The following CXCR5 variants were observed in gnomAD, a reference collection of about 807,000 sequenced individuals.
CXCR5 encodes C-X-C chemokine receptor type 5.
Under a neutral mutation model 5.6 loss-of-function variants are expected in CXCR5, and 3 were observed. The observed-to-expected ratio is 0.54, with a 90% CI of 0.24 to 1.39. The LOEUF is 1.39. Among genes scored for constraint, CXCR5 ranks in the 40% most tolerant of loss-of-function variants. The pLI, the probability that CXCR5 is intolerant of heterozygous loss-of-function variation, is 0.16. For missense variants in CXCR5, 333 were observed against 494.6 expected, an observed-to-expected ratio of 0.67 and a Z score of 3.10; for synonymous variants, 218 against 219.9, an observed-to-expected ratio of 0.99 and a Z score of 0.08.
intron 1 of CXCR5, among the ~76,000 whole-genome samples, chr11:118,888,082 C>T (rs997238429): frequency 6.6e-6 from 1 of 152,180 alleles, no homozygotes; most frequent in Admixed American, 6.5e-5. Context: ...AGAACCAGCT[C>T]AGCCCCAGGC....
chr11:118,892,429 T>C (rs866115624), intron 1 of CXCR5, among the ~76,000 whole-genome samples: 8 of 151,586 alleles, frequency 5.3e-5, no homozygotes, highest in Admixed American at 3.9e-4. Context: ...GAGTACCCCA[T>C]CCCATCCTCT....
Position 118,895,336 on chromosome 11 carries a change from C to T in CXCR5, c.*673C>T, listed in dbSNP as rs1421166195. On this transcript the variant is annotated 3_prime_UTR_variant, in exon 2 of 2. Coordinates refer to ENST00000292174, the MANE Select transcript of CXCR5 (RefSeq NM_001716.5). The surrounding 1 kb of genome is among the most constrained non-coding windows in gnomAD (Gnocchi z 4.2). ...CTGGGTCCACCCCATGTCACCGGAT[C>T]CTGGGTGGTCTGCAGGCAGGGCTGA... The T allele has an allele frequency of 1.2e-5, 2 of 167,126 alleles. No homozygotes were observed. Among genetic ancestry groups the T allele is most frequent in the African/African-American group, 2.4e-5 (1 of 41,468 alleles). 10.4% of individuals were successfully genotyped at this position (167,126 alleles called of 1,614,324 possible).
chr11:118,894,120 A>G lies in CXCR5; in HGVS notation c.576A>G (p.Gln192=). The change falls in exon 2 of 2, where the codon CAA becomes CAG. Residue 192 remains glutamine (Q), a synonymous_variant. Coordinates refer to ENST00000292174, the MANE Select transcript of CXCR5 (RefSeq NM_001716.5). The surrounding 1 kb of genome is among the most constrained non-coding windows in gnomAD (Gnocchi z 6.1). ...LPEILFAKVS[Q]GHHNNSLPRC... ...AGATTCTCTTCGCCAAAGTCAGCCA[A>G]GGCCATCACAACAACTCCCTGCCAC... 1 of 1,613,950 alleles carries G rather than the reference A, an allele frequency of 6.2e-7. No individual in the cohort carries two copies. The highest frequency in any genetic ancestry group is 8.5e-7 in the Non-Finnish European group (1 of 1,180,008).
At position 118,893,986 on chromosome 11, in the gene CXCR5, T is replaced by C. The variant is rs1266536934; in HGVS notation, c.442T>C (p.Tyr148His). ...LLLACIAVDR[Y>H]LAIVHAVHAY... ...CCTGGCCTGCATCGCCGTGGACCGC[T>C]ACCTGGCCATTGTCCACGCCGTCCA... The change falls in exon 2 of 2, where the codon TAC (tyrosine) becomes CAC (histidine). Residue 148 changes from tyrosine to histidine, a missense_variant. Transcript: ENST00000292174. This position sits in a 1 kb window ranked among gnomAD's most constrained non-coding sequence, Gnocchi z 5.7. 1 of 1,613,740 alleles carries C rather than the reference T, an allele frequency of 6.2e-7. No homozygotes were observed. The highest frequency in any genetic ancestry group is 8.5e-7 in the Non-Finnish European group (1 of 1,180,014).
Position 118,897,458 on chromosome 11 carries a change from G to A in CXCR5, c.*2795G>A. ...CCAGGGCCCCGTGTCACCGGTGTGG[G>A]CAAACACACATGCACGTGCACACAT... is the stretch of plus-strand genomic sequence containing the variant. On this transcript the variant is annotated 3_prime_UTR_variant, in exon 2 of 2. Transcript: ENST00000292174. The A allele has an allele frequency of 4.2e-6, 1 of 240,030 alleles. No homozygotes were observed. Among genetic ancestry groups the A allele is most frequent in the East Asian group, 1.5e-4 (1 of 6,758 alleles). 14.9% of individuals were successfully genotyped at this position (240,030 alleles called of 1,614,324 possible).
chr11:118,884,333 A>C (rs1174540677), intron 1 of CXCR5, among the ~76,000 whole-genome samples: 1 of 152,194 alleles, frequency 6.6e-6, no homozygotes, highest in African/African-American at 2.4e-5. Flanking sequence ...GGAATATGGA[A>C]CTAGACAGGA....
chr11:118,890,603 C>CG (rs1025267118), intron 1 of CXCR5, among the ~76,000 whole-genome samples: 1 of 151,680 alleles, frequency 6.6e-6, no homozygotes. Context: ...GGGGAAAGGC[C>CG]GGGGGGTGGT....
Position 118,893,841 on chromosome 11 carries a change from G to C in CXCR5, c.297G>C (p.Leu99=), listed in dbSNP as rs774062762. The part of the protein sequence containing the change: ...FLFHLAVADL[L]LVFILPFAVA... The stretch of plus-strand genomic sequence containing the variant: ...TCCACCTGGCCGTGGCCGACCTCCT[G>C]CTGGTCTTCATCTTGCCCTTTGCCG... Residue 99 remains leucine, a synonymous_variant, in exon 2 of 2, where the codon CTG becomes CTC. Coordinates refer to ENST00000292174, the MANE Select transcript of CXCR5 (RefSeq NM_001716.5). The surrounding 1 kb of genome is among the most constrained non-coding windows in gnomAD (Gnocchi z 5.7). 5 of 1,614,010 alleles carry C rather than the reference G, an allele frequency of 3.1e-6. No homozygotes were observed. The highest frequency in any genetic ancestry group is 3.3e-5 in the Admixed American group (2 of 59,986).
rs1011130374 is a variant in CXCR5, at chr11:118,893,154, C to T, written c.52-442C>T. On this transcript the variant is annotated intron_variant, in intron 1 of 1. Transcript: ENST00000292174. The surrounding 1 kb of genome is among the most constrained non-coding windows in gnomAD (Gnocchi z 5.7). ...CCCACAGGCCAAGTCAGCACCCGCC[C>T]GCCCCTAGTCCCCAGCACAATGCTA... Among the ~76,000 whole-genome samples the T allele has an allele frequency of 6.6e-6, 1 of 152,170 alleles. No homozygotes were observed. Among genetic ancestry groups the T allele is most frequent in the African/African-American group, 2.4e-5 (1 of 41,444 alleles).
In CXCR5 at chr11:118,894,362, C is replaced by T. The variant is rs199930702; in HGVS notation, c.818C>T (p.Ser273Leu). The change falls in exon 2 of 2, where the codon TCA becomes TTA. Residue 273 changes from serine to leucine, a missense_variant. Ser to Leu is a moderately radical substitution (Grantham distance 145). Coordinates refer to ENST00000292174, the MANE Select transcript of CXCR5 (RefSeq NM_001716.5). This position sits in a 1 kb window ranked among gnomAD's most constrained non-coding sequence, Gnocchi z 6.1. ...LVTSIFFLCWSPYHIVIFLDT... is the reference protein window; with the variant it reads ...LVTSIFFLCWLPYHIVIFLDT... ...ACAAGCATCTTCTTCCTCTGCTGGTCACCCTACCACATCGTCATCTTCCTG... is the reference window on the plus strand; with the variant it reads ...ACAAGCATCTTCTTCCTCTGCTGGTTACCCTACCACATCGTCATCTTCCTG... 2 of 1,614,182 alleles carry T rather than the reference C, an allele frequency of 1.2e-6. No individual in the cohort carries two copies. Among genetic ancestry groups the T allele is most frequent in the Non-Finnish European group, 1.7e-6 (2 of 1,180,036 alleles).
rs1394890575 is a variant in CXCR5, at chr11:118,894,517, G to A, written c.973G>A (p.Ala325Thr). The A allele has an allele frequency of 4.4e-6, 7 of 1,591,838 alleles. No individual in the cohort carries two copies. Among genetic ancestry groups the A allele is most frequent in the Non-Finnish European group, 4.3e-6 (5 of 1,166,754 alleles). Reference sequence around the variant, plus strand: ...CCTCAACCCCATGCTCTACACTTTCGCCGGCGTGAAGTTCCGCAGTGACCT... The same window carrying A: ...CCTCAACCCCATGCTCTACACTTTCACCGGCGTGAAGTTCCGCAGTGACCT... ...CCLNPMLYTF[A>T]GVKFRSDLSR... The change falls in exon 2 of 2, where the codon GCC (alanine) becomes ACC (threonine). Residue 325 changes from alanine (A) to threonine (T), a missense_variant. Coordinates refer to ENST00000292174, the MANE Select transcript of CXCR5 (RefSeq NM_001716.5). The surrounding 1 kb of genome is among the most constrained non-coding windows in gnomAD (Gnocchi z 6.1).
intron 1 of CXCR5, among the ~76,000 whole-genome samples, chr11:118,890,770 T>C (rs1939796734): frequency 6.6e-6 from 1 of 152,242 alleles, no homozygotes; most frequent in Admixed American, 6.5e-5. Context: ...TGAAAGCTTA[T>C]GTGTGAAGCA....
Position 118,894,957 on chromosome 11 carries a change from C to T in CXCR5, c.*294C>T, listed in dbSNP as rs1490916287. On this transcript the variant is annotated 3_prime_UTR_variant, in exon 2 of 2. Transcript: ENST00000292174. The surrounding 1 kb of genome is among the most constrained non-coding windows in gnomAD (Gnocchi z 6.1). ...TGGGCTGAGAGAACCTCACGCACCTCCCATCCTAATCATCCAATGCTCAAG... is the reference window on the plus strand; with the variant it reads ...TGGGCTGAGAGAACCTCACGCACCTTCCATCCTAATCATCCAATGCTCAAG... The T allele has an allele frequency of 1.1e-5, 4 of 360,652 alleles. No individual in the cohort carries two copies. The highest frequency in any genetic ancestry group is 2.1e-5 in the Non-Finnish European group (4 of 191,654). The allele number at this position is 360,652 out of a possible 1,614,324, so 22.3% of individuals were successfully genotyped here.
In CXCR5 at chr11:118,893,681, T is replaced by G. The variant is rs1176002362; in HGVS notation, c.137T>G (p.Met46Arg). The G allele has an allele frequency of 6.2e-7, 1 of 1,614,114 alleles. No homozygotes were observed. The highest frequency in any genetic ancestry group is 1.1e-5 in the South Asian group (1 of 91,084). ...HLCPATEGPL[M>R]ASFKAVFVPV... ...TGCCCTGCCACAGAGGGGCCCCTCA[T>G]GGCCTCCTTCAAGGCCGTGTTCGTG... The change falls in exon 2 of 2, where the codon ATG becomes AGG. Residue 46 changes from methionine to arginine, a missense_variant. By Grantham distance (91) the Met-to-Arg change is moderately conservative (BLOSUM62 -1). Coordinates refer to ENST00000292174, the MANE Select transcript of CXCR5 (RefSeq NM_001716.5). The surrounding 1 kb of genome is among the most constrained non-coding windows in gnomAD (Gnocchi z 5.7).
rs1193184120 is a variant in CXCR5 at position 118,883,916 on chromosome 11, T to G, written c.-26T>G. ...CCTCTCAACATAAGACAGTGACCAG[T>G]CTGGTGACTCACAGCCGGCACAGCC... On this transcript the variant is annotated 5_prime_UTR_variant, in exon 1 of 2. Coordinates refer to ENST00000292174, the MANE Select transcript of CXCR5 (RefSeq NM_001716.5). 6 of 1,607,264 alleles carry G rather than the reference T, an allele frequency of 3.7e-6. No individual in the cohort carries two copies. The African/African-American group carries it at 8.0e-5, about 22-fold the overall frequency.
At position 118,896,649 on chromosome 11, in the gene CXCR5, GC is replaced by G. The variant is rs1310662310; in HGVS notation, c.*1988del. ...AGCCCCAGAGGAAGCGCTGGACCTG[GC>G]CGATGGTGGGCCGAGAGGACAGCAC... is the stretch of plus-strand genomic sequence containing the variant. On this transcript the variant is annotated 3_prime_UTR_variant, in exon 2 of 2. Transcript: ENST00000292174. The G allele has an allele frequency of 6.5e-6, 1 of 152,932 alleles. No homozygotes were observed. Among genetic ancestry groups the G allele is most frequent in the East Asian group, 1.9e-4 (1 of 5,204 alleles). The allele number at this position is 152,932 out of a possible 1,614,324, so 9.5% of individuals were successfully genotyped here. A position where few individuals can be genotyped will look rare whatever the true frequency, so the allele number is the denominator to read the frequency against.
chr11:118,893,436 T>C lies in CXCR5; in HGVS notation c.52-160T>C, dbSNP rs922462861. On this transcript the variant is annotated intron_variant, in intron 1 of 1. Transcript: ENST00000292174. This position sits in a 1 kb window ranked among gnomAD's most constrained non-coding sequence, Gnocchi z 5.7. ...CCCTTTGACAGGCGAAAAACTGAAG[T>C]TGGAAAAGACAAAGTGATTTGTTCA... The C allele has an allele frequency of 5.1e-6, 5 of 985,188 alleles. No homozygotes were observed. The highest frequency in any genetic ancestry group is 3.5e-5 in the African/African-American group (2 of 57,172). The allele number at this position is 985,188 out of a possible 1,614,324, so 61.0% of individuals were successfully genotyped here.
chr11:118,889,952 G>A (rs1326571913), intron 1 of CXCR5, among the ~76,000 whole-genome samples: 2 of 152,212 alleles, frequency 1.3e-5, no homozygotes. Flanking sequence ...CAGGCTGGCT[G>A]GACCTAAGCC....
At chr11:118,891,068 C>G (rs1939800514) in intron 1 of CXCR5, among the ~76,000 whole-genome samples, 1 of 152,116 alleles carries the variant, frequency 6.6e-6, no homozygotes, top group Non-Finnish European at 1.5e-5. Context: ...TAGCAAGACA[C>G]TATCTATCAA....
Sources: allele counts gnomAD v4.1 joint callset (sites outside exome capture counted in the v4.1 genomes callset), GRCh38; gene constraint gnomAD v4.1.1; non-coding constraint Gnocchi (gnomAD v3.1); transcripts MANE v1.5; gene names NCBI Gene and HGNC (gene_info 2026-07-23, HGNC 2026-07-21).